The following USP12 variants were observed in gnomAD, a reference collection of about 807,000 sequenced individuals.
USP12 encodes the protein ubiquitin specific peptidase 12.
In USP12, 19 loss-of-function variants were observed where a neutral mutation model predicts 45.5. That is an observed-to-expected ratio of 0.42 (90% CI 0.29 to 0.61). USP12 has a LOEUF of 0.61. Among genes scored for constraint, USP12 ranks in the 20% least tolerant of loss-of-function variants. The pLI, the probability that USP12 is intolerant of heterozygous loss-of-function variation, is 0.22. For missense variants in USP12, 242 were observed against 447.7 expected (o/e 0.54, Z 4.15); for synonymous variants, 149 against 148.8 (o/e 1.00, Z -0.01).
intron 4 of USP12, among the ~76,000 whole-genome samples, chr13:27,092,539 G>A (rs920834571): frequency 1.3e-5 from 2 of 152,318 alleles, no homozygotes; most frequent in African/African-American, 4.8e-5. Context: ...CAGGACAGAA[G>A]ACAGTGACCA....
intron 1 of USP12, among the ~76,000 whole-genome samples, chr13:27,161,886 A>C (rs1300564700): frequency 8.8e-6 from 1 of 113,278 alleles, no homozygotes; most frequent in Non-Finnish European, 1.9e-5. Flanking sequence ...TGTCTCAAAA[A>C]ATAAAAAAAA....
chr13:27,165,521 T>G (rs961144974), intron 1 of USP12, among the ~76,000 whole-genome samples: 3 of 152,268 alleles, frequency 2.0e-5, no homozygotes, highest in African/African-American at 7.2e-5. Context: ...ACAGCCAACA[T>G]GACACAGTGA....
At chr13:27,161,887 A>G (rs1427124399) in intron 1 of USP12, among the ~76,000 whole-genome samples, 1 of 113,348 alleles carries the variant, frequency 8.8e-6, no homozygotes, top group Non-Finnish European at 1.9e-5. Context: ...GTCTCAAAAA[A>G]TAAAAAAAAA....
At chr13:27,137,669 C>G (rs1387199181) in intron 1 of USP12, among the ~76,000 whole-genome samples, 1 of 152,162 alleles carries the variant, frequency 6.6e-6, no homozygotes, top group Middle Eastern at 3.2e-3. Flanking sequence ...TTAAAGTGTT[C>G]CCCCGATCTC....
intron 3 of USP12, among the ~76,000 whole-genome samples, chr13:27,102,662 C>G (rs1052386749): frequency 3.3e-5 from 5 of 152,228 alleles, no homozygotes; most frequent in Non-Finnish European, 7.3e-5. Context: ...ATTACCTAAT[C>G]AGGGACATTT....
At chr13:27,130,503 T>C (rs1346645843) in intron 1 of USP12, among the ~76,000 whole-genome samples, 1 of 148,722 alleles carries the variant, frequency 6.7e-6, no homozygotes, top group African/African-American at 2.5e-5. Context: ...AGTCACCACA[T>C]TACAACATTC....
intron 1 of USP12, among the ~76,000 whole-genome samples, chr13:27,160,512 A>C (rs1173275481): frequency 6.6e-6 from 1 of 151,784 alleles, no homozygotes; most frequent in Admixed American, 6.6e-5. Context: ...AAAAAAATGC[A>C]ACACCAGACA....
At chr13:27,132,453 A>T (rs773595999) in intron 1 of USP12, among the ~76,000 whole-genome samples, 1 of 152,172 alleles carries the variant, frequency 6.6e-6, no homozygotes, top group Non-Finnish European at 1.5e-5. Flanking sequence ...GAAAAAGAAA[A>T]AGCAAAGGAA....
chr13:27,171,707 G>T lies in USP12; in HGVS notation c.-68C>A. The T allele has an allele frequency of 2.8e-6, 3 of 1,061,162 alleles. No individual in the cohort carries two copies. Among genetic ancestry groups the T allele is most frequent in the Non-Finnish European group, 3.6e-6 (3 of 838,406 alleles). 65.7% of individuals were successfully genotyped at this position (1,061,162 alleles called of 1,614,324 possible). ...GGCGGGGGAGGAGGGGAGCCGGGCC[G>T]CCCGCTCGCACCGCAGCCCGCGGGC... is the stretch of plus-strand genomic sequence containing the variant. On this transcript the variant is annotated 5_prime_UTR_variant, in exon 1 of 9. Coordinates refer to ENST00000282344, the MANE Select transcript of USP12 (RefSeq NM_182488.4).
At chr13:27,155,127 A>C (rs1027582892) in intron 1 of USP12, among the ~76,000 whole-genome samples, 17 of 117,068 alleles carry the variant, frequency 1.5e-4, no homozygotes, top group Non-Finnish European at 2.7e-4. Context: ...TGTCACCCAG[A>C]CTGGAGTGCA....
chr13:27,155,363 G>A lies in USP12; in HGVS notation c.48+16229C>T, dbSNP rs370737263. Among the ~76,000 whole-genome samples the A allele has an allele frequency of 8.5e-4, 129 of 152,210 alleles. 1 individual carries two copies. Among genetic ancestry groups the A allele is most frequent in the African/African-American group, 2.9e-3 (121 of 41,526 alleles). ...CCCAAGGTGCTGGGATCACAGGTGT[G>A]AGCCACTGCACCCAGCGACCTCCAT... is the stretch of plus-strand genomic sequence containing the variant. On this transcript the variant is annotated intron_variant, in intron 1 of 8. Transcript: ENST00000282344.
intron 1 of USP12, among the ~76,000 whole-genome samples, chr13:27,167,211 A>G (rs138173008): frequency 0.055 from 8,385 of 152,058 alleles, 251 homozygotes; most frequent in Admixed American, 0.083. Context: ...GCGGTGAGCC[A>G]AGATTGCAGC....
chr13:27,090,877 C>T lies in USP12; in HGVS notation c.574-719G>A, dbSNP rs60302094. Reference sequence around the variant, plus strand: ...GCACATAGAGTTGTTCATCGAACAACTCAGTAAGTTGTCATACAACATGTG... The same window carrying T: ...GCACATAGAGTTGTTCATCGAACAATTCAGTAAGTTGTCATACAACATGTG... On this transcript the variant is annotated intron_variant, in intron 4 of 8. Transcript: ENST00000282344. 1.0e-2 allele frequency among the ~76,000 whole-genome samples: 1,522 copies of T among 152,262 alleles called. 30 individuals are homozygous for T. Among genetic ancestry groups the T allele is most frequent in the African/African-American group, 0.034 (1,424 of 41,536 alleles).
At chr13:27,133,519 C>T (rs1035115237) in intron 1 of USP12, among the ~76,000 whole-genome samples, 2 of 151,398 alleles carry the variant, frequency 1.3e-5, no homozygotes, top group Non-Finnish European at 2.9e-5. Context: ...TCCCAGCTAC[C>T]GGTGGGGCTG....
chr13:27,075,510 G>T, intron 6 of USP12, 122 bp from the exon 7 acceptor site: 2 of 818,042 alleles, frequency 2.4e-6, no homozygotes, highest in South Asian at 1.9e-5. Context: ...GCCCAGCAAT[G>T]CCCAGTTTTG....
chr13:27,091,844 C>T (rs1874331280), intron 4 of USP12, among the ~76,000 whole-genome samples: 1 of 152,192 alleles, frequency 6.6e-6, no homozygotes, highest in African/African-American at 2.4e-5. Context: ...CTTCCTACCA[C>T]CTGAGACATT....
chr13:27,086,189 A>ATATATATATATAT (rs1378446137), intron 6 of USP12, among the ~76,000 whole-genome samples: 107 of 81,792 alleles, frequency 1.3e-3, no homozygotes, highest in Non-Finnish European at 2.0e-3. Flanking sequence ...AAAAAAAAAA[A>ATATATATATATAT]AAAAAAAAAT....
At chr13:27,149,559 C>A (rs945391910) in intron 1 of USP12, among the ~76,000 whole-genome samples, 5 of 152,118 alleles carry the variant, frequency 3.3e-5, no homozygotes, top group African/African-American at 9.6e-5. Context: ...ACATAGCCAT[C>A]AATTGTATTG....
At chr13:27,097,978 A>G (rs1446462561) in intron 3 of USP12, among the ~76,000 whole-genome samples, 2 of 123,788 alleles carry the variant, frequency 1.6e-5, no homozygotes, top group African/African-American at 2.9e-5. Context: ...GTAACTTTAT[A>G]TAGTACTTTT....
Sources: gnomAD v4.1 joint callset for allele counts (sites outside exome capture counted in the v4.1 genomes callset) on GRCh38, gnomAD v4.1.1 for gene constraint, MANE v1.5 for transcripts, NCBI Gene and HGNC (gene_info 2026-07-23, HGNC 2026-07-21) for gene names.